KANSL1L: variants seen among roughly 807,000 people sequenced by gnomAD.
KANSL1L encodes the protein KAT8 regulatory NSL complex subunit 1 like, also known as KAT8 regulatory NSL complex subunit 1-like protein.
Under a neutral mutation model 108.6 loss-of-function variants are expected in KANSL1L, and 25 were observed. That is an observed-to-expected ratio of 0.23 (90% confidence interval 0.17 to 0.32). The LOEUF is 0.32. KANSL1L is among the 10% of genes least tolerant of loss of function. The probability of loss-of-function intolerance (pLI) is 1.00; values close to 1 mark genes in which losing one functional copy is unlikely to be tolerated. For synonymous variants in KANSL1L, 405 were observed against 395.1 expected (o/e 1.03, Z -0.30); for missense variants, 1,137 against 1,125.7 (o/e 1.01, Z -0.14).
intron 3 of KANSL1L, among the ~76,000 whole-genome samples, chr2:210,109,398 G>GA (rs2094883297): frequency 6.6e-6 from 1 of 151,918 alleles, no homozygotes; most frequent in South Asian, 2.1e-4. Flanking sequence ...TTCCTTTTCA[G>GA]ACCTATCCCT....
intron 1 of KANSL1L, among the ~76,000 whole-genome samples, chr2:210,157,840 G>A (rs1156447720): frequency 6.6e-6 from 1 of 151,896 alleles, no homozygotes; most frequent in African/African-American, 2.4e-5. Context: ...ATGAAATCCA[G>A]GCTCTGCAAA....
At chr2:210,048,265 T>C (rs2094247615) in intron 6 of KANSL1L, among the ~76,000 whole-genome samples, 1 of 152,200 alleles carries the variant, frequency 6.6e-6, no homozygotes, top group South Asian at 2.1e-4. Context: ...AGGGTAATAG[T>C]GGTTGCAGAA....
At chr2:210,052,803 T>C (rs746919338) in intron 6 of KANSL1L, among the ~76,000 whole-genome samples, 2 of 152,184 alleles carry the variant, frequency 1.3e-5, no homozygotes, top group Non-Finnish European at 2.9e-5. Context: ...ATTTCTTTAC[T>C]AGAAGATAGG....
At chr2:210,137,616 T>G (rs1203662462) in intron 2 of KANSL1L, among the ~76,000 whole-genome samples, 1 of 152,224 alleles carries the variant, frequency 6.6e-6, no homozygotes, top group Non-Finnish European at 1.5e-5. Flanking sequence ...TAAATGATCC[T>G]GATGCTTACA....
At chr2:210,172,243 T>A (rs562450691), upstream of KANSL1L, among the ~76,000 whole-genome samples, 10 of 152,306 alleles carry the variant, frequency 6.6e-5, no homozygotes, top group Admixed American at 2.6e-4. Flanking sequence ...AAAACTGAAC[T>A]CTAAATGTAG....
At chr2:210,143,306 T>C (rs563308401) in intron 2 of KANSL1L, among the ~76,000 whole-genome samples, 17 of 152,264 alleles carry the variant, frequency 1.1e-4, no homozygotes, top group African/African-American at 3.6e-4. Flanking sequence ...CATATTTTAT[T>C]CCTTCACTTT....
At chr2:210,103,565 T>G (rs901696164) in intron 4 of KANSL1L, among the ~76,000 whole-genome samples, 13 of 152,136 alleles carry the variant, frequency 8.5e-5, no homozygotes, top group African/African-American at 3.1e-4. Context: ...AGATACAGGA[T>G]AGACTGGCCA....
chr2:210,050,140 A>T (rs2094273355), intron 6 of KANSL1L, among the ~76,000 whole-genome samples: 1 of 152,234 alleles, frequency 6.6e-6, no homozygotes, highest in African/African-American at 2.4e-5. Flanking sequence ...AAATCCTCAC[A>T]GGGTGTCTTT....
chr2:210,137,779 C>T (rs1205247928), intron 2 of KANSL1L, among the ~76,000 whole-genome samples: 1 of 152,012 alleles, frequency 6.6e-6, no homozygotes, highest in Non-Finnish European at 1.5e-5. Flanking sequence ...GCCTGTAATA[C>T]CAGCACTTTG....
intron 3 of KANSL1L, among the ~76,000 whole-genome samples, chr2:210,127,113 T>G (rs2095073281): frequency 2.0e-5 from 3 of 152,230 alleles, no homozygotes; most frequent in African/African-American, 7.2e-5. Flanking sequence ...AGACCTATAT[T>G]CCAATGGGAT....
At chr2:210,049,666 A>C (rs910263002) in intron 6 of KANSL1L, among the ~76,000 whole-genome samples, 1 of 152,208 alleles carries the variant, frequency 6.6e-6, no homozygotes, top group Non-Finnish European at 1.5e-5. Context: ...ATTAGAAGCT[A>C]AAATAAGAAA....
At chr2:210,068,515 C>A (rs1327144925) in intron 6 of KANSL1L, among the ~76,000 whole-genome samples, 1 of 152,164 alleles carries the variant, frequency 6.6e-6, no homozygotes, top group East Asian at 1.9e-4. Flanking sequence ...TTTAAGAAGT[C>A]AGCCACCCCG....
rs182225321 is a variant in KANSL1L at position 210,037,344 on chromosome 2, G to A, written c.2029+3076C>T. Reference sequence around the variant, plus strand: ...TGATACTTATCATCATAATGATAATGCTATTAGAGACATTCTTAAAATAAT... The same window carrying A: ...TGATACTTATCATCATAATGATAATACTATTAGAGACATTCTTAAAATAAT... On this transcript the variant is annotated intron_variant, in intron 8 of 14. Coordinates refer to ENST00000281772, the MANE Select transcript of KANSL1L (RefSeq NM_152519.4). Among the ~76,000 whole-genome samples the A allele has an allele frequency of 2.0e-4, 31 of 152,188 alleles. 1 individual carries two copies. The highest frequency in any genetic ancestry group is 7.0e-4 in the African/African-American group (29 of 41,534).
intron 8 of KANSL1L, among the ~76,000 whole-genome samples, chr2:210,033,806 G>A (rs1320049801): frequency 6.6e-6 from 1 of 151,718 alleles, no homozygotes; most frequent in Admixed American, 6.6e-5. Flanking sequence ...CCAAAGTGCT[G>A]GGATTACAGG....
intron 2 of KANSL1L, among the ~76,000 whole-genome samples, chr2:210,133,668 C>T (rs2095147171): frequency 6.6e-6 from 1 of 152,012 alleles, no homozygotes. Flanking sequence ...TTCTCCTTTC[C>T]TAATACAAAC....
chr2:210,156,987 C>CA (rs72148831), intron 1 of KANSL1L, among the ~76,000 whole-genome samples: 71,218 of 140,100 alleles, frequency 0.51, 18,756 homozygotes, highest in Admixed American at 0.61. Flanking sequence ...ATCCTAAATG[C>CA]AAAAAAAAAA....
At chr2:210,102,326 T>G (rs1559556721) in intron 4 of KANSL1L, among the ~76,000 whole-genome samples, 2 of 152,152 alleles carry the variant, frequency 1.3e-5, no homozygotes, top group African/African-American at 4.8e-5. Flanking sequence ...CAAGATGGAT[T>G]AAAGACTTAA....
At chr2:210,130,969 T>C (rs2095114833) in intron 2 of KANSL1L, among the ~76,000 whole-genome samples, 1 of 152,138 alleles carries the variant, frequency 6.6e-6, no homozygotes, top group African/African-American at 2.4e-5. Flanking sequence ...TACAGATCAT[T>C]GTGATCTCTA....
At position 210,044,895 on chromosome 2, in the gene KANSL1L, G is replaced by C. The variant is rs2094207482; in HGVS notation, c.1756-791C>G. Among the ~76,000 whole-genome samples the C allele has an allele frequency of 6.6e-6, 1 of 152,008 alleles. No homozygotes were observed. ...AGCGATTCTCCTGCCTCAGCCTCCT[G>C]AGTAACTGGGATTACAGGCACGTGC... On this transcript the variant is annotated intron_variant, in intron 6 of 14. Coordinates refer to ENST00000281772, the MANE Select transcript of KANSL1L (RefSeq NM_152519.4). This position sits in a 1 kb window ranked among gnomAD's most constrained non-coding sequence, Gnocchi z 4.2.
Sources: allele counts gnomAD v4.1 joint callset (sites outside exome capture counted in the v4.1 genomes callset), GRCh38; gene constraint gnomAD v4.1.1; non-coding constraint Gnocchi (gnomAD v3.1); transcripts MANE v1.5; gene names NCBI Gene and HGNC (gene_info 2026-07-23, HGNC 2026-07-21).